The following EDA variants were observed in gnomAD, a reference collection of about 807,000 sequenced individuals.
The protein encoded by EDA is ectodysplasin A.
A neutral mutation model predicts 23.6 loss-of-function variants in EDA; 2 were observed. That is an observed-to-expected ratio of 0.08 (90% CI 0.03 to 0.27). The LOEUF is 0.27. EDA is among the 10% of genes least tolerant of loss of function. The pLI is 1.00. For missense variants in EDA, 229 were observed against 324.2 expected, an observed-to-expected ratio of 0.71 and a Z score of 2.26; for synonymous variants, 131 against 132.0, an observed-to-expected ratio of 0.99 and a Z score of 0.05.
chrX:69,906,402 A>G (rs1268456438), intron 1 of EDA, among the ~76,000 whole-genome samples: 2 of 112,726 alleles, frequency 1.8e-5, no homozygotes, highest in East Asian at 5.5e-4. Context: ...CACAAGGACA[A>G]AAAGAAGCAG....
At chrX:69,755,156 A>G (rs1201073461) in intron 1 of EDA, among the ~76,000 whole-genome samples, 2 of 111,241 alleles carry the variant, frequency 1.8e-5, no homozygotes, top group African/African-American at 6.5e-5. Context: ...TAGAATTTTC[A>G]TGTTTTCTGC....
chrX:69,866,291 G>A (rs1390906971), intron 1 of EDA, among the ~76,000 whole-genome samples: 1 of 111,401 alleles, frequency 9.0e-6, no homozygotes, highest in South Asian at 3.8e-4. Context: ...TACCATCCTT[G>A]TGGAGTAGTA....
intron 1 of EDA, among the ~76,000 whole-genome samples, chrX:69,929,075 T>C (rs1489684129): frequency 6.3e-5 from 7 of 111,689 alleles, no homozygotes; most frequent in African/African-American, 2.0e-4. Flanking sequence ...ACATTTCTAA[T>C]CAATTCTCAA....
chrX:69,661,855 A>G (rs368030361), intron 1 of EDA, among the ~76,000 whole-genome samples: 51 of 111,964 alleles, frequency 4.6e-4, no homozygotes, highest in African/African-American at 1.6e-3. Context: ...CATTGTGTAT[A>G]TTTAAGGTAT....
intron 1 of EDA, among the ~76,000 whole-genome samples, chrX:69,650,867 G>T (rs1185481861): frequency 9.0e-6 from 1 of 111,104 alleles, no homozygotes; most frequent in African/African-American, 3.3e-5. Flanking sequence ...GGCGTTGGGA[G>T]GGGGGCACAT....
At chrX:69,781,741 C>G (rs960905335) in intron 1 of EDA, among the ~76,000 whole-genome samples, 2 of 110,412 alleles carry the variant, frequency 1.8e-5, no homozygotes, top group African/African-American at 6.6e-5. Flanking sequence ...CTTGTATGGC[C>G]AGTATCTTAG....
intron 1 of EDA, among the ~76,000 whole-genome samples, chrX:69,638,882 T>A (rs1265967886): frequency 9.0e-6 from 1 of 111,354 alleles, no homozygotes; most frequent in African/African-American, 3.3e-5. Context: ...TTCCAGAATG[T>A]TTTTATCCTT....
chrX:69,780,050 C>A (rs867135752), intron 1 of EDA, among the ~76,000 whole-genome samples: 1 of 110,032 alleles, frequency 9.1e-6, no homozygotes, highest in Admixed American at 9.8e-5. Context: ...CTACTTATAT[C>A]ATAAAAATGT....
intron 1 of EDA, among the ~76,000 whole-genome samples, chrX:69,681,701 G>A (rs768268474): frequency 0.015 from 1,625 of 109,709 alleles, 26 homozygotes; most frequent in African/African-American, 0.049. Flanking sequence ...CTCTGTATTG[G>A]TTATTCTAGT....
chrX:69,833,796 TC>T (rs2016690317), intron 1 of EDA, among the ~76,000 whole-genome samples: 1 of 111,457 alleles, frequency 9.0e-6, no homozygotes, highest in African/African-American at 3.3e-5. Context: ...CTGGAATTCA[TC>T]CATTTCTTTC....
At chrX:69,630,389 C>T (rs1239616778) in intron 1 of EDA, among the ~76,000 whole-genome samples, 1 of 112,010 alleles carries the variant, frequency 8.9e-6, no homozygotes, top group Non-Finnish European at 1.9e-5. Flanking sequence ...TTTACCTATT[C>T]ATTCAGAAAG....
intron 1 of EDA, among the ~76,000 whole-genome samples, chrX:69,799,069 G>A (rs2015613498): frequency 9.0e-6 from 1 of 111,267 alleles, no homozygotes; most frequent in African/African-American, 3.3e-5. Flanking sequence ...TTTTCAACAA[G>A]TGTGCCAAGA....
intron 1 of EDA, among the ~76,000 whole-genome samples, chrX:69,830,172 A>G (rs1316001550): frequency 9.0e-6 from 1 of 110,737 alleles, no homozygotes; most frequent in Non-Finnish European, 1.9e-5. Context: ...TTCTTGTGTG[A>G]TGTGCCATAA....
chrX:69,982,596 A>C, intron 2 of EDA, among the ~76,000 whole-genome samples: 1 of 111,316 alleles, frequency 9.0e-6, no homozygotes, highest in South Asian at 3.7e-4. Flanking sequence ...ACTTTTGAGG[A>C]TATTGTGTGC....
chrX:69,975,493 G>A (rs1312764215), intron 2 of EDA, among the ~76,000 whole-genome samples: 1 of 110,238 alleles, frequency 9.1e-6, no homozygotes, highest in Non-Finnish European at 1.9e-5. Context: ...GAGGGAGAGG[G>A]CAAGGGTTGA....
chrX:69,788,579 G>T (rs1271192537), intron 1 of EDA, among the ~76,000 whole-genome samples: 1 of 111,983 alleles, frequency 8.9e-6, no homozygotes, highest in African/African-American at 3.2e-5. Context: ...CCCCTGCTGG[G>T]GGGTGCCTCC....
chrX:69,754,233 C>T (rs5936743), intron 1 of EDA, among the ~76,000 whole-genome samples: 17 of 111,762 alleles, frequency 1.5e-4, no homozygotes, highest in Non-Finnish European at 2.4e-4. Flanking sequence ...ATGTTTAGTG[C>T]TTCCTTCAGG....
At chrX:69,713,956 A>G (rs1417346959) in intron 1 of EDA, among the ~76,000 whole-genome samples, 3 of 108,287 alleles carry the variant, frequency 2.8e-5, no homozygotes, top group African/African-American at 1.0e-4. Flanking sequence ...CTGCCAAACT[A>G]TTTACAATAA....
intron 1 of EDA, among the ~76,000 whole-genome samples, chrX:69,782,384 A>AC (rs2014978370): frequency 1.1e-5 from 1 of 88,869 alleles, no homozygotes; most frequent in Non-Finnish European, 2.5e-5. Context: ...AAAAAAAAAA[A>AC]AAAAAAAACA....
Sources: allele counts gnomAD v4.1 joint callset (sites outside exome capture counted in the v4.1 genomes callset), GRCh38; gene constraint gnomAD v4.1.1; transcripts MANE v1.5; gene names NCBI Gene and HGNC (gene_info 2026-07-23, HGNC 2026-07-21).